Variants in CDH12 observed in about 807,000 individuals in gnomAD.
The protein encoded by CDH12 is cadherin 12.
CDH12 carries 41 observed loss-of-function variants against 74.1 expected under a neutral mutation model. That is an observed-to-expected ratio of 0.55 (90% confidence interval 0.43 to 0.72). CDH12 has a LOEUF of 0.72. CDH12 is among the 30% of genes least tolerant of loss of function. CDH12 has a pLI of 0.00. For synonymous variants in CDH12, 399 were observed against 355.0 expected (o/e 1.12, Z -1.39); for missense variants, 945 against 977.2 (o/e 0.97, Z 0.44).
chr5:22,512,019 G>A (rs377009647), intron 1 of CDH12, among the ~76,000 whole-genome samples: 1 of 151,652 alleles, frequency 6.6e-6, no homozygotes, highest in African/African-American at 2.4e-5. Context: ...TGTTAGAAAA[G>A]GTAGTTCAAG....
intron 1 of CDH12, among the ~76,000 whole-genome samples, chr5:22,843,230 C>T (rs1737155899): frequency 2.0e-5 from 3 of 151,970 alleles, no homozygotes; most frequent in Non-Finnish European, 4.4e-5. Flanking sequence ...AAGTCTTCCC[C>T]AATTCTATCT....
intron 4 of CDH12, among the ~76,000 whole-genome samples, chr5:22,138,845 A>AATAT (rs67115449): frequency 0.056 from 4,298 of 76,454 alleles, 321 homozygotes; most frequent in South Asian, 0.092. Context: ...ATATATACGT[A>AATAT]ATATATATAT....
chr5:22,294,033 T>C (rs565527022), intron 3 of CDH12, among the ~76,000 whole-genome samples: 132 of 152,304 alleles, frequency 8.7e-4, no homozygotes, highest in African/African-American at 3.1e-3. Context: ...CATATGTTAA[T>C]TAGTCATTCC....
intron 3 of CDH12, among the ~76,000 whole-genome samples, chr5:22,355,611 T>C (rs1279383581): frequency 6.6e-6 from 1 of 151,902 alleles, no homozygotes; most frequent in Non-Finnish European, 1.5e-5. Context: ...GGCTTTCCTA[T>C]GTAAAAGCAC....
intron 3 of CDH12, among the ~76,000 whole-genome samples, chr5:22,293,838 G>A (rs1031945128): frequency 5.3e-5 from 8 of 152,132 alleles, no homozygotes; most frequent in African/African-American, 1.9e-4. Context: ...AGAGGCTACG[G>A]TGGTTGGGGG....
intron 4 of CDH12, among the ~76,000 whole-genome samples, chr5:22,167,752 C>T (rs189952973): frequency 5.3e-5 from 8 of 152,142 alleles, no homozygotes; most frequent in East Asian, 1.9e-4. Flanking sequence ...TTTTCTTTTA[C>T]GATGTACTAT....
At chr5:22,074,855 G>A (rs1742196615) in intron 5 of CDH12, among the ~76,000 whole-genome samples, 1 of 152,086 alleles carries the variant, frequency 6.6e-6, no homozygotes, top group Admixed American at 6.6e-5. Context: ...CTTTTACACT[G>A]TTGGTGGGAC....
chr5:22,672,757 T>G (rs1006124986), intron 1 of CDH12, among the ~76,000 whole-genome samples: 1 of 152,198 alleles, frequency 6.6e-6, no homozygotes, highest in South Asian at 2.1e-4. Context: ...AGAATGGAAA[T>G]GATCCAATCA....
chr5:22,543,127 T>C (rs1738175937), intron 1 of CDH12, among the ~76,000 whole-genome samples: 1 of 152,124 alleles, frequency 6.6e-6, no homozygotes, highest in African/African-American at 2.4e-5. Context: ...AGTTATCTTT[T>C]GGTCATTCCA....
intron 3 of CDH12, among the ~76,000 whole-genome samples, chr5:22,321,957 A>G (rs181314575): frequency 1.9e-4 from 29 of 152,170 alleles, no homozygotes; most frequent in African/African-American, 6.8e-4. Flanking sequence ...ACAATTGACT[A>G]TTTTTACAAT....
intron 4 of CDH12, among the ~76,000 whole-genome samples, chr5:22,125,040 G>C (rs1561137621): frequency 1.3e-5 from 2 of 152,280 alleles, no homozygotes; most frequent in Middle Eastern, 3.4e-3. Context: ...GCTTCAAGGG[G>C]AGTGGGTTAC....
At chr5:22,737,546 TGAAAGAAATA>T (rs1744798812) in intron 1 of CDH12, among the ~76,000 whole-genome samples, 4 of 151,962 alleles carry the variant, frequency 2.6e-5, no homozygotes, top group South Asian at 4.2e-4. Context: ...AAGACTTAGC[TGAAAGAAATA>T]GAAATAGAAA....
chr5:22,585,721 T>C (rs1287954191), intron 1 of CDH12, among the ~76,000 whole-genome samples: 1 of 134,180 alleles, frequency 7.5e-6, no homozygotes, highest in African/African-American at 2.5e-5. Flanking sequence ...TTTACTACAT[T>C]TTTTTTTTAA....
intron 9 of CDH12, among the ~76,000 whole-genome samples, chr5:21,815,343 G>A (rs1246887434): frequency 2.0e-5 from 3 of 152,034 alleles, no homozygotes; most frequent in Non-Finnish European, 4.4e-5. Flanking sequence ...GGGAGGAAAT[G>A]GCTGAACTAA....
At chr5:22,250,949 A>G (rs1324507989) in intron 3 of CDH12, among the ~76,000 whole-genome samples, 1 of 152,210 alleles carries the variant, frequency 6.6e-6, no homozygotes, top group Non-Finnish European at 1.5e-5. Flanking sequence ...ATGTTCCAGA[A>G]AGGTAGACTA....
intron 6 of CDH12, among the ~76,000 whole-genome samples, chr5:21,939,868 T>C (rs1315781166): frequency 6.6e-6 from 1 of 152,070 alleles, no homozygotes; most frequent in Non-Finnish European, 1.5e-5. Flanking sequence ...ATTAAAAATA[T>C]GAGAAAAAGA....
intron 2 of CDH12, among the ~76,000 whole-genome samples, chr5:22,495,533 T>A (rs1367030354): frequency 6.6e-6 from 1 of 152,168 alleles, no homozygotes; most frequent in African/African-American, 2.4e-5. Context: ...GATGTCTTGC[T>A]ATGGTGTATG....
chr5:22,192,090 T>G lies in CDH12; in HGVS notation c.-187+20408A>C, dbSNP rs796853260. Among the ~76,000 whole-genome samples, 11 of 152,144 alleles carry G rather than the reference T, an allele frequency of 7.2e-5. No homozygotes were observed. The East Asian group carries it at 1.4e-3, about 19-fold the overall frequency. ...AGCTAGGATTATAGGAGGGCCACCA[T>G]GCCCAGCTAATTTTTGTTTTTTTGG... On this transcript the variant is annotated intron_variant, in intron 4 of 14. Transcript: ENST00000382254.
At chr5:21,832,488 A>T (rs1749079550) in intron 8 of CDH12, among the ~76,000 whole-genome samples, 1 of 151,858 alleles carries the variant, frequency 6.6e-6, no homozygotes, top group Non-Finnish European at 1.5e-5. Flanking sequence ...TTCCAATGTT[A>T]GCCTCAAAGC....
Sources: allele counts gnomAD v4.1 joint callset (sites outside exome capture counted in the v4.1 genomes callset), GRCh38; gene constraint gnomAD v4.1.1; transcripts MANE v1.5; gene names NCBI Gene and HGNC (gene_info 2026-07-23, HGNC 2026-07-21).